Variants in CTNNA2 observed in about 807,000 individuals in gnomAD.
The protein encoded by CTNNA2 is catenin alpha-2.
In CTNNA2, 42 loss-of-function variants were observed where a neutral mutation model predicts 101.0. The ratio of observed to expected loss-of-function variants is 0.42; its 90% CI spans 0.32 to 0.54. The LOEUF (loss-of-function observed/expected upper bound fraction) is 0.54. Among genes scored for constraint, CTNNA2 ranks in the 20% least tolerant of loss-of-function variants. The probability of loss-of-function intolerance (pLI) is 0.14; values close to 1 mark genes in which losing one functional copy is unlikely to be tolerated. For synonymous variants in CTNNA2, 450 were observed against 456.4 expected (o/e 0.99, Z 0.18); for missense variants, 871 against 1,223.1 (o/e 0.71, Z 4.29).
intron 9 of CTNNA2, among the ~76,000 whole-genome samples, chr2:80,485,327 C>T (rs1573007286): frequency 1.3e-5 from 2 of 152,298 alleles, no homozygotes; most frequent in South Asian, 2.1e-4. Context: ...TACCTTTACT[C>T]TTACATTGAC....
At chr2:80,550,806 CTA>C (rs35172677) in intron 11 of CTNNA2, among the ~76,000 whole-genome samples, 46,781 of 151,898 alleles carry the variant, frequency 0.31, 7,866 homozygotes, top group East Asian at 0.6. Context: ...TCAAAGTCGA[CTA>C]TGAGGGTTGG....
At chr2:80,238,979 AG>A (rs1418580986) in intron 7 of CTNNA2, among the ~76,000 whole-genome samples, 1 of 152,158 alleles carries the variant, frequency 6.6e-6, no homozygotes, top group Admixed American at 6.5e-5. Context: ...AAATGTTAAG[AG>A]GGGGCGTAAA....
At chr2:79,539,021 G>A (rs1231011854) in intron 1 of CTNNA2, among the ~76,000 whole-genome samples, 1 of 152,134 alleles carries the variant, frequency 6.6e-6, no homozygotes, top group Non-Finnish European at 1.5e-5. Flanking sequence ...GATCAATAAG[G>A]ATAAATCCAA....
chr2:79,518,310 T>G (rs1030386664), intron 1 of CTNNA2, among the ~76,000 whole-genome samples: 2 of 152,168 alleles, frequency 1.3e-5, no homozygotes, highest in African/African-American at 2.4e-5. Flanking sequence ...GATCCTAACT[T>G]GCTACAGTGT....
intron 7 of CTNNA2, among the ~76,000 whole-genome samples, chr2:79,963,608 C>G (rs1028218458): frequency 6.6e-6 from 1 of 152,148 alleles, no homozygotes; most frequent in African/African-American, 2.4e-5. Flanking sequence ...GGCCACTGGG[C>G]AGAGCTGCTT....
At chr2:80,566,679 C>T (rs1363545164) in intron 12 of CTNNA2, among the ~76,000 whole-genome samples, 6 of 152,000 alleles carry the variant, frequency 3.9e-5, no homozygotes, top group Non-Finnish European at 7.4e-5. Flanking sequence ...AGAGCTAGAT[C>T]GTGGAGAAGG....
chr2:79,212,241 T>C (rs1674184403), intron 2 of CTNNA2, among the ~76,000 whole-genome samples: 1 of 152,050 alleles, frequency 6.6e-6, no homozygotes, highest in African/African-American at 2.4e-5. Context: ...GAGCAGGGCA[T>C]GTATGAGTAG....
intron 9 of CTNNA2, among the ~76,000 whole-genome samples, chr2:80,512,064 C>G (rs956271282): frequency 6.8e-6 from 1 of 147,556 alleles, no homozygotes; most frequent in South Asian, 2.2e-4. Flanking sequence ...GCAGGAGAAT[C>G]GCTTGAACCC....
intron 7 of CTNNA2, among the ~76,000 whole-genome samples, chr2:80,015,536 A>T (rs948801737): frequency 2.0e-5 from 3 of 152,122 alleles, no homozygotes; most frequent in Non-Finnish European, 2.9e-5. Context: ...GAAGTAGAGG[A>T]GAAGATGGTG....
chr2:79,287,846 C>A (rs1438454070), intron 2 of CTNNA2, among the ~76,000 whole-genome samples: 1 of 152,234 alleles, frequency 6.6e-6, no homozygotes, highest in South Asian at 2.1e-4. Flanking sequence ...CCTCCCCCAG[C>A]CTCGCTGCCA....
chr2:80,440,707 C>T (rs185626501), intron 9 of CTNNA2, among the ~76,000 whole-genome samples: 13 of 152,240 alleles, frequency 8.5e-5, no homozygotes, highest in South Asian at 2.1e-4. Flanking sequence ...AAAGGCATTA[C>T]GGGAATTTGT....
At chr2:79,887,727 C>T (rs1000800937) in intron 6 of CTNNA2, among the ~76,000 whole-genome samples, 1 of 152,082 alleles carries the variant, frequency 6.6e-6, no homozygotes, top group Non-Finnish European at 1.5e-5. Context: ...TGGAGACAAA[C>T]TTTTCCATCT....
At chr2:79,528,318 C>G (rs1395516606) in intron 1 of CTNNA2, among the ~76,000 whole-genome samples, 1 of 151,896 alleles carries the variant, frequency 6.6e-6, no homozygotes, top group Non-Finnish European at 1.5e-5. Context: ...CACACACGAT[C>G]CTCTCCCTTT....
chr2:80,576,787 G>GAA (rs1292269180), intron 13 of CTNNA2, among the ~76,000 whole-genome samples: 25 of 123,130 alleles, frequency 2.0e-4, no homozygotes, highest in South Asian at 1.8e-3. Context: ...TGTCTCTACT[G>GAA]AAAAAAAAAA....
chr2:79,647,837 C>T (rs1680931256), intron 1 of CTNNA2, among the ~76,000 whole-genome samples: 2 of 152,204 alleles, frequency 1.3e-5, no homozygotes, highest in African/African-American at 2.4e-5. Flanking sequence ...CTAGGCTTAA[C>T]TTAGCTGTGC....
intron 3 of CTNNA2, among the ~76,000 whole-genome samples, chr2:79,828,197 T>G (rs1678591798): frequency 6.6e-6 from 1 of 152,230 alleles, no homozygotes; most frequent in South Asian, 2.1e-4. Context: ...GTTGTTAATA[T>G]TAAAATAACC....
chr2:80,502,983 A>G (rs1423744317), intron 9 of CTNNA2, among the ~76,000 whole-genome samples: 1 of 152,142 alleles, frequency 6.6e-6, no homozygotes, highest in Non-Finnish European at 1.5e-5. Context: ...TGTAAGCAAC[A>G]TAACAAGACC....
chr2:79,500,037 T>C (rs970132636), intron 4 of CTNNA2, among the ~76,000 whole-genome samples: 11 of 152,196 alleles, frequency 7.2e-5, no homozygotes, highest in African/African-American at 1.2e-4. Flanking sequence ...CCACCCACAT[T>C]ATGGAGGCCA....
At chr2:80,484,118 T>C (rs1176067031) in intron 9 of CTNNA2, among the ~76,000 whole-genome samples, 1 of 152,164 alleles carries the variant, frequency 6.6e-6, no homozygotes, top group African/African-American at 2.4e-5. Flanking sequence ...CACCAAAGTA[T>C]TGGGAACCAC....
Sources: gnomAD v4.1 joint callset for allele counts (sites outside exome capture counted in the v4.1 genomes callset) on GRCh38, gnomAD v4.1.1 for gene constraint, MANE v1.5 for transcripts, NCBI Gene and HGNC (gene_info 2026-07-23, HGNC 2026-07-21) for gene names.